The following STK10 variants were observed in gnomAD, a reference collection of about 807,000 sequenced individuals.
STK10 encodes the protein serine/threonine-protein kinase 10.
STK10 carries 78 observed loss-of-function variants against 113.8 expected under a neutral mutation model. The observed-to-expected ratio is 0.69, with a 90% confidence interval of 0.57 to 0.83. STK10 has a LOEUF of 0.83. Among genes scored for constraint, STK10 ranks in the 40% least tolerant of loss-of-function variants. The pLI is 0.00. For synonymous variants in STK10, 465 were observed against 494.7 expected (o/e 0.94, Z 0.80); for missense variants, 1,109 against 1,280.1 (o/e 0.87, Z 2.04).
intron 18 of STK10, among the ~76,000 whole-genome samples, chr5:172,046,857 G>C (rs1233365049): frequency 6.6e-6 from 1 of 152,130 alleles, no homozygotes; most frequent in Non-Finnish European, 1.5e-5. Flanking sequence ...TTAGGACATT[G>C]GCAGTGGTTT....
At chr5:172,114,323 T>TGTGTGTGTGTG (rs1769317517) in intron 4 of STK10, among the ~76,000 whole-genome samples, 1 of 149,878 alleles carries the variant, frequency 6.7e-6, no homozygotes, top group Non-Finnish European at 1.5e-5. Context: ...TGTATGTGTG[T>TGTGTGTGTGTG]TTTCTGATTA....
intron 12 of STK10, among the ~76,000 whole-genome samples, chr5:172,079,120 C>A (rs1292457830): frequency 1.3e-5 from 2 of 152,184 alleles, no homozygotes; most frequent in African/African-American, 4.8e-5. Context: ...AGGATGTTAA[C>A]AGGATTATTA....
At chr5:172,106,865 G>A in intron 5 of STK10, 51 bp from the exon 6 acceptor site, 1 of 1,551,032 alleles carries the variant, frequency 6.4e-7, no homozygotes, top group Non-Finnish European at 8.8e-7. Flanking sequence ...CTTTACAGGT[G>A]CTTCTTGGAC....
chr5:172,116,345 G>A lies in STK10; in HGVS notation c.520+1136C>T, dbSNP rs943164495. ...GATCCACCCACCTCGGCCTCCCAAA[G>A]TGCTGGGATTACAGGCGTGAGCCAC... On this transcript the variant is annotated intron_variant, in intron 4 of 18. Coordinates refer to ENST00000176763, the MANE Select transcript of STK10 (RefSeq NM_005990.4). 9.9e-4 allele frequency among the ~76,000 whole-genome samples: 151 copies of A among 151,904 alleles called. 1 individual carries two copies. The highest frequency in any genetic ancestry group is 3.4e-3 in the African/African-American group (142 of 41,462).
intron 2 of STK10, among the ~76,000 whole-genome samples, chr5:172,144,479 G>A (rs1013936889): frequency 6.6e-6 from 1 of 152,212 alleles, no homozygotes; most frequent in Non-Finnish European, 1.5e-5. Context: ...AAACGCAACA[G>A]TCAACACAGA....
intron 6 of STK10, among the ~76,000 whole-genome samples, 192 bp from the exon 7 acceptor site, chr5:172,105,929 T>C (rs1769094170): frequency 6.6e-6 from 1 of 152,084 alleles, no homozygotes; most frequent in African/African-American, 2.4e-5. Context: ...GACCCAGACA[T>C]CGGCGAGGAG....
chr5:172,075,808 C>T (rs1768292741), intron 12 of STK10, among the ~76,000 whole-genome samples: 1 of 152,196 alleles, frequency 6.6e-6, no homozygotes, highest in African/African-American at 2.4e-5. Context: ...CACTTTACAC[C>T]TATCAGAATG....
intron 12 of STK10, among the ~76,000 whole-genome samples, chr5:172,078,947 CCACACACACACACACA>C (rs57963957): frequency 4.1e-5 from 6 of 144,632 alleles, no homozygotes; most frequent in Admixed American, 3.5e-4. Flanking sequence ...TCTTATAAGT[CCACACACACACACACA>C]CACACACACA....
rs1337181387 is a variant in STK10 at position 172,083,769 on chromosome 5, A to G, written c.1686-685T>C. ...CTAAAAATACAAAAATTAGCTGGAC[A>G]TGGTGGCACACGCCTGTACTCCCAG... On this transcript the variant is annotated intron_variant, in intron 10 of 18. Transcript: ENST00000176763. Among the ~76,000 whole-genome samples, 5 of 152,038 alleles carry G rather than the reference A, an allele frequency of 3.3e-5. No homozygotes were observed. The South Asian group carries it at 1.0e-3, about 32-fold the overall frequency.
At chr5:172,141,689 C>G (rs1444654838) in intron 2 of STK10, among the ~76,000 whole-genome samples, 2 of 152,126 alleles carry the variant, frequency 1.3e-5, no homozygotes, top group African/African-American at 4.8e-5. Context: ...TACCTGGGCC[C>G]TCTTGTCAGA....
intron 12 of STK10, among the ~76,000 whole-genome samples, chr5:172,077,259 G>C (rs1561797488): frequency 6.6e-6 from 1 of 152,064 alleles, no homozygotes. Context: ...ATTTCTTTAG[G>C]GATCCTTCGA....
intron 12 of STK10, among the ~76,000 whole-genome samples, chr5:172,079,259 A>G (rs182164939): frequency 2.6e-3 from 392 of 152,108 alleles, no homozygotes; most frequent in Middle Eastern, 6.8e-3. Context: ...CAGCTCTTTG[A>G]ACACTCCAAG....
Position 172,107,826 on chromosome 5 carries a change from G to C in STK10, c.547C>G (p.Leu183Val), listed in dbSNP as rs754494686. The C allele has an allele frequency of 6.2e-7, 1 of 1,614,190 alleles. No individual in the cohort carries two copies. ...LADFGVSAKN[L>V]KTLQKRDSFI... ...GAATCTCGTTTCTGTAGAGTCTTCAGATTCTTGGCAGACACACCAAAGTCA... is the reference window on the plus strand; with the variant it reads ...GAATCTCGTTTCTGTAGAGTCTTCACATTCTTGGCAGACACACCAAAGTCA... The change falls in exon 5 of 19, where the codon CTG becomes GTG. Residue 183 changes from leucine (L) to valine (V), a missense_variant. Physicochemically the swap from Leu to Val is conservative, Grantham distance 32. Coordinates refer to ENST00000176763, the MANE Select transcript of STK10 (RefSeq NM_005990.4).
chr5:172,185,522 C>T (rs995289572), intron 1 of STK10, among the ~76,000 whole-genome samples: 1 of 152,196 alleles, frequency 6.6e-6, no homozygotes, highest in Non-Finnish European at 1.5e-5. Context: ...CTGCTTCAGC[C>T]TCCCAAAGTG....
rs1007984521 is a variant in STK10, at chr5:172,117,502, G to C, written c.499C>G (p.Leu167Val). The C allele has an allele frequency of 1.2e-6, 2 of 1,612,308 alleles. No individual in the cohort carries two copies. Among genetic ancestry groups the C allele is most frequent in the African/African-American group, 2.7e-5 (2 of 74,780 alleles). The part of the protein sequence containing the change: ...DLKAGNVLMT[L>V]EGDIRLADFG... ...TTACCCAGCCTGATGTCTCCCTCGAGGGTCATCAGCACGTTGCCAGCTTTC... is the reference window on the plus strand; with the variant it reads ...TTACCCAGCCTGATGTCTCCCTCGACGGTCATCAGCACGTTGCCAGCTTTC... The change falls in exon 4 of 19, where the codon CTC becomes GTC. Residue 167 changes from leucine (L) to valine (V), a missense_variant. Physicochemically the swap from Leu to Val is conservative, Grantham distance 32. Around this residue, in one of 5 missense-constraint regions of STK10, gnomAD observed 44 missense variants for 84.4 expected, o/e 0.52. Coordinates refer to ENST00000176763, the MANE Select transcript of STK10 (RefSeq NM_005990.4).
chr5:172,181,907 TCA>T (rs1770862781), intron 1 of STK10, among the ~76,000 whole-genome samples: 1 of 152,106 alleles, frequency 6.6e-6, no homozygotes, highest in South Asian at 2.1e-4. Flanking sequence ...AGGAAATATA[TCA>T]ACATGTCAAC....
At chr5:172,132,239 G>A (rs547517455) in intron 2 of STK10, among the ~76,000 whole-genome samples, 1 of 152,258 alleles carries the variant, frequency 6.6e-6, no homozygotes, top group Admixed American at 6.5e-5. Context: ...AAAACCCATA[G>A]GAGGATTACA....
chr5:172,127,450 T>C (rs747357582), intron 2 of STK10, 29 bp from the exon 3 acceptor site: 1 of 1,612,256 alleles, frequency 6.2e-7, no homozygotes. Flanking sequence ...AAAGTGACAA[T>C]GAGTGGGGCT....
chr5:172,076,129 C>CTTTGTGGTGGGGGCTGTCCTGTGCA (rs1768299263), intron 12 of STK10, among the ~76,000 whole-genome samples: 1 of 148,404 alleles, frequency 6.7e-6, no homozygotes, highest in African/African-American at 2.5e-5. Context: ...GTGGAGAGTT[C>CTTTGTGGTGGGGGCTGTCCTGTGCA]TTTGTTGTGG....
Sources: allele counts gnomAD v4.1 joint callset (sites outside exome capture counted in the v4.1 genomes callset), GRCh38; gene constraint gnomAD v4.1.1; regional missense constraint gnomAD v4.1.1; transcripts MANE v1.5; gene names NCBI Gene and HGNC (gene_info 2026-07-23, HGNC 2026-07-21).